The following CNTN6 variants were observed in gnomAD, a reference collection of about 807,000 sequenced individuals.
CNTN6 encodes contactin-6.
CNTN6 carries 137 observed loss-of-function variants against 122.8 expected under a neutral mutation model. That is an observed-to-expected ratio of 1.12 (90% CI 0.97 to 1.29). The LOEUF (loss-of-function observed/expected upper bound fraction) is 1.29, where lower values mean the gene tolerates loss of function less well. CNTN6 is among the 50% of genes most tolerant of loss of function. The pLI is 0.00. For synonymous variants in CNTN6, 570 were observed against 426.0 expected (o/e 1.34, Z -4.16); for missense variants, 1,634 against 1,223.4 (o/e 1.34, Z -5.01).
intron 1 of CNTN6, among the ~76,000 whole-genome samples, chr3:1,112,326 G>T (rs1233530628): frequency 3.9e-5 from 6 of 152,142 alleles, no homozygotes; most frequent in African/African-American, 1.4e-4. Context: ...CGATTATGCA[G>T]ACTGAAAAGT....
chr3:1,113,636 T>C (rs2091584101), intron 1 of CNTN6, among the ~76,000 whole-genome samples: 1 of 152,184 alleles, frequency 6.6e-6, no homozygotes, highest in Admixed American at 6.5e-5. Flanking sequence ...ATTCTGGCAA[T>C]GAGACTATTG....
chr3:1,385,484 G>T, intron 19 of CNTN6, 127 bp from the exon 20 acceptor site: 1 of 621,786 alleles, frequency 1.6e-6, no homozygotes, highest in Non-Finnish European at 2.6e-6. Context: ...ATTAGAAAAC[G>T]TTTTTGTCAT....
At chr3:1,313,822 C>T (rs1402326871) in intron 7 of CNTN6, among the ~76,000 whole-genome samples, 1 of 152,044 alleles carries the variant, frequency 6.6e-6, no homozygotes, top group Non-Finnish European at 1.5e-5. Context: ...ATCAAGGCAA[C>T]AGCAGACTTA....
chr3:1,233,177 A>C (rs1011761720), intron 4 of CNTN6, among the ~76,000 whole-genome samples: 11 of 152,166 alleles, frequency 7.2e-5, no homozygotes, highest in African/African-American at 2.2e-4. Context: ...AATATTCCAC[A>C]CTCAGTATGA....
In CNTN6 at chr3:1,204,763, G is replaced by C. The variant is rs566641786; in HGVS notation, c.56-15924G>C. On this transcript the variant is annotated intron_variant, in intron 2 of 22. Coordinates refer to ENST00000446702, the MANE Select transcript of CNTN6 (RefSeq NM_001289080.2). ...TATTGCTGTTGCTCTTGTTTTTCACGGTTACTCTCTAACATATATAACTCT... is the reference window on the plus strand; with the variant it reads ...TATTGCTGTTGCTCTTGTTTTTCACCGTTACTCTCTAACATATATAACTCT... Among the ~76,000 whole-genome samples, 30 of 152,062 alleles carry C rather than the reference G, an allele frequency of 2.0e-4. No homozygotes were observed. The South Asian group carries it at 5.6e-3, about 28-fold the overall frequency.
chr3:1,233,549 C>T (rs1362459543), intron 4 of CNTN6, among the ~76,000 whole-genome samples: 4 of 151,824 alleles, frequency 2.6e-5, no homozygotes, highest in Non-Finnish European at 4.4e-5. Context: ...GCCTGGCCAA[C>T]ATAGTGAAAC....
intron 17 of CNTN6, among the ~76,000 whole-genome samples, chr3:1,377,418 T>C (rs1211519328): frequency 6.6e-6 from 1 of 152,152 alleles, no homozygotes; most frequent in Non-Finnish European, 1.5e-5. Flanking sequence ...TTGAGCCCAG[T>C]AGACTGTAGG....
chr3:1,325,916 A>G lies in CNTN6; in HGVS notation c.1048A>G (p.Thr350Ala), dbSNP rs1286618730. Residue 350 changes from threonine to alanine, a missense_variant, in exon 9 of 23, where the codon ACA (threonine) becomes GCA (alanine). Coordinates refer to ENST00000446702, the MANE Select transcript of CNTN6 (RefSeq NM_001289080.2). ...KASGKPNPWY[T>A]WLKNGERLNP... ...TAGTGGAAAGCCAAACCCTTGGTAT[A>G]CATGGTTAAAAAATGGTGAACGACT... 2 of 1,611,560 alleles carry G rather than the reference A, an allele frequency of 1.2e-6. No homozygotes were observed. Among genetic ancestry groups the G allele is most frequent in the East Asian group, 4.5e-5 (2 of 44,764 alleles).
At chr3:1,271,961 G>A (rs2095034511) in intron 4 of CNTN6, among the ~76,000 whole-genome samples, 1 of 152,160 alleles carries the variant, frequency 6.6e-6, no homozygotes, top group South Asian at 2.1e-4. Context: ...ATCCCCACAT[G>A]TCATGGGAGG....
intron 4 of CNTN6, among the ~76,000 whole-genome samples, chr3:1,266,165 AAG>A (rs1029098863): frequency 6.6e-6 from 1 of 152,056 alleles, no homozygotes; most frequent in African/African-American, 2.4e-5. Context: ...CTTTGGAAAA[AAG>A]TGAGATTTTA....
intron 1 of CNTN6, among the ~76,000 whole-genome samples, chr3:1,109,811 C>A (rs903187646): frequency 6.6e-6 from 1 of 151,998 alleles, no homozygotes; most frequent in African/African-American, 2.4e-5. Context: ...TGTATACAAC[C>A]TTATTAGCTT....
intron 4 of CNTN6, among the ~76,000 whole-genome samples, chr3:1,265,925 A>C (rs556635100): frequency 2.0e-5 from 3 of 152,160 alleles, no homozygotes; most frequent in Admixed American, 6.5e-5. Flanking sequence ...TTGAAAAAAC[A>C]TATTTATTAC....
intron 1 of CNTN6, 126 bp from the exon 2 acceptor site, chr3:1,147,801 A>G (rs2092753590): frequency 2.3e-6 from 1 of 427,322 alleles, no homozygotes; most frequent in African/African-American, 2.0e-5. Context: ...GAAAGCATCC[A>G]TTTAGGTTGC....
intron 11 of CNTN6, among the ~76,000 whole-genome samples, chr3:1,333,068 G>A (rs1702542807): frequency 6.6e-6 from 1 of 152,034 alleles, no homozygotes; most frequent in Non-Finnish European, 1.5e-5. Context: ...ATTTGATTGA[G>A]TATGTATGTG....
intron 1 of CNTN6, among the ~76,000 whole-genome samples, chr3:1,108,257 G>A (rs965234247): frequency 2.6e-5 from 4 of 152,012 alleles, no homozygotes; most frequent in African/African-American, 9.7e-5. Context: ...AAATGTTTTA[G>A]AGTTTGAAAT....
chr3:1,169,364 C>T (rs1323783565), intron 2 of CNTN6, among the ~76,000 whole-genome samples: 1 of 152,180 alleles, frequency 6.6e-6, no homozygotes, highest in Non-Finnish European at 1.5e-5. Context: ...TGTATTCAAC[C>T]GCCTTCCTCA....
chr3:1,139,365 T>C (rs1393943102), intron 1 of CNTN6, among the ~76,000 whole-genome samples: 1 of 152,070 alleles, frequency 6.6e-6, no homozygotes, highest in Non-Finnish European at 1.5e-5. Context: ...AAAGCAAAAA[T>C]AATTTAGCTA....
intron 7 of CNTN6, among the ~76,000 whole-genome samples, chr3:1,300,663 C>G (rs1697228031): frequency 6.6e-6 from 1 of 152,002 alleles, no homozygotes; most frequent in South Asian, 2.1e-4. Flanking sequence ...TTGAACTGCT[C>G]ACATACCAGT....
intron 17 of CNTN6, among the ~76,000 whole-genome samples, chr3:1,380,969 CTA>C (rs1691785929): frequency 6.6e-6 from 1 of 152,010 alleles, no homozygotes; most frequent in African/African-American, 2.4e-5. Flanking sequence ...TGTTAAATAA[CTA>C]TATATATTTT....
Sources: allele counts gnomAD v4.1 joint callset (sites outside exome capture counted in the v4.1 genomes callset), GRCh38; gene constraint gnomAD v4.1.1; transcripts MANE v1.5; gene names NCBI Gene and HGNC (gene_info 2026-07-23, HGNC 2026-07-21).